The following NAA16 variants were observed in gnomAD, a reference collection of about 807,000 sequenced individuals.
NAA16 encodes N-alpha-acetyltransferase 16, NatA auxiliary subunit.
NAA16 carries 97 observed loss-of-function variants against 110.3 expected under a neutral mutation model. The observed-to-expected ratio is 0.88, with a 90% confidence interval of 0.75 to 1.04. The LOEUF (loss-of-function observed/expected upper bound fraction) is 1.04. Among genes scored for constraint, NAA16 ranks in the 50% least tolerant of loss-of-function variants. The pLI is 0.00. For missense variants in NAA16, 1,017 were observed against 1,005.1 expected (o/e 1.01, Z -0.16); for synonymous variants, 372 against 330.6 (o/e 1.13, Z -1.36).
In NAA16 at chr13:41,375,990, A is replaced by G. The variant is rs73181107; in HGVS notation, c.*388A>G. The G allele has an allele frequency of 1.2e-3, 183 of 156,336 alleles. No individual in the cohort carries two copies. The highest frequency in any genetic ancestry group is 3.9e-3 in the Admixed American group (60 of 15,542). 9.7% of individuals were successfully genotyped at this position (156,336 alleles called of 1,614,324 possible). On this transcript the variant is annotated 3_prime_UTR_variant, in exon 20 of 20. Transcript: ENST00000379406. ...GCACATCAGTTTTAAAGTGTTAACT[A>G]TATGTTAACAATATGGAGGCTGGGC...
At chr13:41,345,359 TTGA>T (rs1338980098) in intron 9 of NAA16, among the ~76,000 whole-genome samples, 1 of 152,244 alleles carries the variant, frequency 6.6e-6, no homozygotes, top group African/African-American at 2.4e-5. Context: ...CTTGTTATTA[TTGA>T]TGATAGCCAT....
chr13:41,332,668 T>A (rs2042271439), intron 8 of NAA16, among the ~76,000 whole-genome samples: 1 of 152,062 alleles, frequency 6.6e-6, no homozygotes, highest in Admixed American at 6.5e-5. Context: ...AGAAAGCTAA[T>A]ACAACTTAAA....
chr13:41,316,866 G>T lies in NAA16; in HGVS notation c.75G>T (p.Gln25His), dbSNP rs1421273774. ...TACAGAAATGTTATGAACAGAAGCA[G>T]TACAAAAATGGCCTCAAGTTTTGCA... ...KRILKCYEQK[Q>H]YKNGLKFCKM... Residue 25 changes from glutamine (Q) to histidine (H), a missense_variant, in exon 2 of 20, where the codon CAG becomes CAT. Transcript: ENST00000379406. The T allele has an allele frequency of 6.2e-7, 1 of 1,613,056 alleles. No individual in the cohort carries two copies. The highest frequency in any genetic ancestry group is 1.7e-5 in the Admixed American group (1 of 60,012).
chr13:41,360,684 A>T (rs565237292), intron 12 of NAA16, among the ~76,000 whole-genome samples: 2 of 152,214 alleles, frequency 1.3e-5, no homozygotes, highest in South Asian at 4.1e-4. Flanking sequence ...GGTGAACAAC[A>T]TAATGAGGCA....
chr13:41,355,085 T>C, intron 9 of NAA16, 59 bp from the exon 10 acceptor site: 1 of 1,025,468 alleles, frequency 9.8e-7, no homozygotes, highest in Non-Finnish European at 1.5e-6. Flanking sequence ...TAAACCATAA[T>C]AGGTAAAAAT....
At chr13:41,373,266 GTT>G (rs564421063) in intron 17 of NAA16, 3 of 651,742 alleles carry the variant, frequency 4.6e-6, no homozygotes, top group South Asian at 1.4e-4. Flanking sequence ...TGTGTTTTTT[GTT>G]TTTTTTTTTG....
At chr13:41,353,213 C>T (rs1198369596) in intron 9 of NAA16, among the ~76,000 whole-genome samples, 1 of 152,094 alleles carries the variant, frequency 6.6e-6, no homozygotes, top group Non-Finnish European at 1.5e-5. Context: ...TTAGCAACTA[C>T]CAGTAGATGG....
chr13:41,365,439 AC>A (rs1346472388), intron 13 of NAA16, among the ~76,000 whole-genome samples: 1 of 152,162 alleles, frequency 6.6e-6, no homozygotes, highest in African/African-American at 2.4e-5. Flanking sequence ...ATAACCCAAA[AC>A]AAAAAGTTAA....
At chr13:41,354,997 A>G in intron 9 of NAA16, 147 bp from the exon 10 acceptor site, 1 of 487,018 alleles carries the variant, frequency 2.1e-6, no homozygotes. Context: ...CATGTTAGGA[A>G]TGGGGACAAA....
chr13:41,372,908 G>T, intron 17 of NAA16, 78 bp downstream of exon 17: 1 of 1,303,370 alleles, frequency 7.7e-7, no homozygotes, highest in Non-Finnish European at 9.9e-7. Context: ...CTGTTGATCT[G>T]ATAAATATTT....
At chr13:41,328,213 A>G (rs1048650910) in intron 6 of NAA16, among the ~76,000 whole-genome samples, 15 of 152,104 alleles carry the variant, frequency 9.9e-5, no homozygotes, top group Admixed American at 9.8e-4. Flanking sequence ...GTACATGAAC[A>G]TGGCTTGTGT....
At chr13:41,359,812 A>G (rs2043075161) in intron 12 of NAA16, among the ~76,000 whole-genome samples, 1 of 152,216 alleles carries the variant, frequency 6.6e-6, no homozygotes, top group Admixed American at 6.5e-5. Context: ...TACACGAATC[A>G]GTTCCAAGTG....
Position 41,333,896 on chromosome 13 carries a change from T to A in NAA16, c.907+2527T>A, listed in dbSNP as rs145798407. 6.4e-4 allele frequency among the ~76,000 whole-genome samples: 98 copies of A among 152,046 alleles called. 1 individual carries two copies. Among genetic ancestry groups the A allele is most frequent in the African/African-American group, 2.1e-3 (86 of 41,496 alleles). ...AGGTTAAAGTGGAACCATCCTAGAC[T>A]CTCTAGGACATGCTGTCTTTGAAAT... On this transcript the variant is annotated intron_variant, in intron 8 of 19. Transcript: ENST00000379406.
chr13:41,355,537 C>G (rs1211558121), intron 10 of NAA16, among the ~76,000 whole-genome samples: 1 of 152,178 alleles, frequency 6.6e-6, no homozygotes, highest in Non-Finnish European at 1.5e-5. Flanking sequence ...TCAACTGATG[C>G]TCCTGCCTTA....
At chr13:41,348,819 A>G (rs1038633439) in intron 9 of NAA16, among the ~76,000 whole-genome samples, 3 of 152,104 alleles carry the variant, frequency 2.0e-5, no homozygotes, top group African/African-American at 7.2e-5. Flanking sequence ...TATGTATTCA[A>G]ACTCTTCATT....
At chr13:41,372,593 C>T (rs2139519828) in intron 16 of NAA16, 139 bp from the exon 17 acceptor site, 3 of 1,323,320 alleles carry the variant, frequency 2.3e-6, no homozygotes, top group South Asian at 4.6e-5. Context: ...CTTTGATAGC[C>T]AGAGTCAACT....
intron 9 of NAA16, among the ~76,000 whole-genome samples, chr13:41,349,051 A>C (rs1037193189): frequency 6.6e-6 from 1 of 151,812 alleles, no homozygotes; most frequent in East Asian, 1.9e-4. Context: ...AGGTTTGCCA[A>C]TTTTCTTGAT....
In NAA16 at chr13:41,369,287, A is replaced by G. The variant is rs2043270096; in HGVS notation, c.1947+4A>G. The G allele has an allele frequency of 6.4e-7, 1 of 1,555,976 alleles. No individual in the cohort carries two copies. Among genetic ancestry groups the G allele is most frequent in the Non-Finnish European group, 8.6e-7 (1 of 1,161,722 alleles). On this transcript the variant is annotated splice_donor_region_variant and intron_variant, in intron 15 of 19. Coordinates refer to ENST00000379406, the MANE Select transcript of NAA16 (RefSeq NM_024561.5). ...TATACCTGAAAAATTAGAAAGGGTG[A>G]GATGGGTTTTACTATCTTTGTTATT...
At chr13:41,358,556 AG>A (rs762294005) in intron 11 of NAA16, 83 bp downstream of exon 11, 4 of 1,557,614 alleles carry the variant, frequency 2.6e-6, no homozygotes, top group Non-Finnish European at 3.5e-6. Flanking sequence ...TGTGGAAACA[AG>A]TTCTAGGGCA....
Sources: allele counts gnomAD v4.1 joint callset (sites outside exome capture counted in the v4.1 genomes callset), GRCh38; gene constraint gnomAD v4.1.1; transcripts MANE v1.5; gene names NCBI Gene and HGNC (gene_info 2026-07-23, HGNC 2026-07-21).